ARNT2: variants seen among roughly 807,000 people sequenced by gnomAD.
The protein encoded by ARNT2 is aryl hydrocarbon receptor nuclear translocator 2.
Under a neutral mutation model 91.7 loss-of-function variants are expected in ARNT2, and 36 were observed. That is an observed-to-expected ratio of 0.39 (90% confidence interval 0.30 to 0.52). ARNT2 has a LOEUF of 0.52. Ranked by LOEUF, ARNT2 falls within the 20% of genes least tolerant of loss-of-function variation. The probability of loss-of-function intolerance (pLI) is 0.72; values close to 1 mark genes in which losing one functional copy is unlikely to be tolerated. For missense variants in ARNT2, 775 were observed against 939.3 expected, an observed-to-expected ratio of 0.83 and a Z score of 2.29; for synonymous variants, 365 against 347.1, an observed-to-expected ratio of 1.05 and a Z score of -0.57.
intron 8 of ARNT2, among the ~76,000 whole-genome samples, chr15:80,522,225 A>G (rs1897559245): frequency 6.6e-6 from 1 of 152,172 alleles, no homozygotes; most frequent in Non-Finnish European, 1.5e-5. Flanking sequence ...TTTAATCGTC[A>G]CAACAGCTGC....
At chr15:80,552,898 C>A in intron 10 of ARNT2, 124 bp downstream of exon 10, 1 of 1,253,432 alleles carries the variant, frequency 8.0e-7, no homozygotes, top group Non-Finnish European at 1.1e-6. Context: ...ACCCATATAC[C>A]CTGCCTAGAT....
intron 1 of ARNT2, among the ~76,000 whole-genome samples, chr15:80,429,023 C>T (rs1046915244): frequency 2.6e-5 from 4 of 152,266 alleles, no homozygotes; most frequent in South Asian, 2.1e-4. Flanking sequence ...GAAAATAGCT[C>T]GACTGGTGCA....
chr15:80,559,604 G>C (rs1388038035), intron 11 of ARNT2, among the ~76,000 whole-genome samples: 1 of 152,226 alleles, frequency 6.6e-6, no homozygotes, highest in Non-Finnish European at 1.5e-5. Flanking sequence ...GAACTTGTTT[G>C]TGAGGAATTT....
intron 2 of ARNT2, among the ~76,000 whole-genome samples, chr15:80,457,651 AG>A (rs1896499486): frequency 6.6e-6 from 1 of 152,236 alleles, no homozygotes; most frequent in Admixed American, 6.5e-5. Flanking sequence ...AGTTCTAAGA[AG>A]GGAATGGCAT....
chr15:80,588,379 C>G (rs1893215329), intron 17 of ARNT2, among the ~76,000 whole-genome samples: 1 of 152,034 alleles, frequency 6.6e-6, no homozygotes, highest in South Asian at 2.1e-4. Flanking sequence ...GGCTCCTTCC[C>G]TCTCCTCTTG....
At chr15:80,519,983 C>A (rs1897510184) in intron 8 of ARNT2, among the ~76,000 whole-genome samples, 1 of 150,152 alleles carries the variant, frequency 6.7e-6, no homozygotes, top group Non-Finnish European at 1.5e-5. Context: ...CAGGTGTGAG[C>A]CACCGTGCCT....
intron 8 of ARNT2, among the ~76,000 whole-genome samples, chr15:80,529,463 G>C (rs1174172936): frequency 6.6e-6 from 1 of 151,958 alleles, no homozygotes; most frequent in African/African-American, 2.4e-5. Context: ...AGAGAAGTCT[G>C]AGACCAGCTT....
intron 11 of ARNT2, chr15:80,556,058 G>A (rs1898180429): frequency 6.6e-6 from 1 of 151,792 alleles, no homozygotes; most frequent in African/African-American, 2.4e-5. Flanking sequence ...GGCCAAGGTG[G>A]GCAGATCATG....
intron 3 of ARNT2, among the ~76,000 whole-genome samples, chr15:80,462,829 T>C (rs1175765864): frequency 6.6e-6 from 1 of 152,264 alleles, no homozygotes; most frequent in African/African-American, 2.4e-5. Flanking sequence ...AGTAAAGATA[T>C]TCACGGTAGG....
At chr15:80,537,013 T>C (rs970003156) in intron 8 of ARNT2, among the ~76,000 whole-genome samples, 1 of 152,158 alleles carries the variant, frequency 6.6e-6, no homozygotes, top group African/African-American at 2.4e-5. Context: ...GAGCCATCAT[T>C]ACATGACATT....
rs191062182 is a variant in ARNT2 at position 80,434,313 on chromosome 15, C to G, written c.32-16567C>G. The G allele has an allele frequency of 3.1e-3, 475 of 152,298 alleles. 2 individuals carry two copies. The highest frequency in any genetic ancestry group is 4.8e-3 in the Non-Finnish European group (326 of 68,014). 9.4% of individuals were successfully genotyped at this position (152,298 alleles called of 1,614,324 possible). A position where few individuals can be genotyped will look rare whatever the true frequency, so the allele number is the denominator to read the frequency against. ...CTGAGTCCTGACATTTATGATTTTA[C>G]AAGATTTCCTGAACAGGAAGTGCTC... is the stretch of plus-strand genomic sequence containing the variant. On this transcript the variant is annotated intron_variant, in intron 1 of 18. Transcript: ENST00000303329.
At chr15:80,526,718 TG>T (rs1160884234) in intron 8 of ARNT2, among the ~76,000 whole-genome samples, 4 of 152,308 alleles carry the variant, frequency 2.6e-5, no homozygotes, top group Admixed American at 6.5e-5. Context: ...CAGTAAGCCT[TG>T]GCCACAGCAT....
Position 80,412,232 on chromosome 15 carries a change from C to T in ARNT2, c.31+7686C>T, listed in dbSNP as rs552955434. ...CAAAATGTTTACAAATAGGTACTTCCTGCTTTTGTACATTGTATGAAAACA... is the reference window on the plus strand; with the variant it reads ...CAAAATGTTTACAAATAGGTACTTCTTGCTTTTGTACATTGTATGAAAACA... On this transcript the variant is annotated intron_variant, in intron 1 of 18. Transcript: ENST00000303329. Among the ~76,000 whole-genome samples, 5 of 152,282 alleles carry T rather than the reference C, an allele frequency of 3.3e-5. No individual in the cohort carries two copies. In the East Asian group the frequency reaches 9.6e-4, roughly 29 times the overall value.
chr15:80,582,090 C>G (rs1458094066), intron 17 of ARNT2, among the ~76,000 whole-genome samples: 1 of 152,220 alleles, frequency 6.6e-6, no homozygotes, highest in African/African-American at 2.4e-5. Flanking sequence ...GAGCTTTTCT[C>G]TACAGAATTG....
At chr15:80,517,614 T>C (rs1897460513) in intron 8 of ARNT2, among the ~76,000 whole-genome samples, 1 of 151,902 alleles carries the variant, frequency 6.6e-6, no homozygotes, top group Non-Finnish European at 1.5e-5. Context: ...TGTACCACAA[T>C]TTTTGAGTGT....
intron 8 of ARNT2, among the ~76,000 whole-genome samples, chr15:80,536,210 G>A (rs888334053): frequency 6.6e-6 from 1 of 152,232 alleles, no homozygotes; most frequent in East Asian, 1.9e-4. Context: ...AAGGAGAACA[G>A]TTCTCTCTCC....
At chr15:80,444,901 G>A (rs1303432942) in intron 1 of ARNT2, 1 of 151,294 alleles carries the variant, frequency 6.6e-6, no homozygotes, top group Non-Finnish European at 1.5e-5. Context: ...CAAATGGTGT[G>A]TATGTATGTT....
chr15:80,433,810 A>G (rs1054336251), intron 1 of ARNT2: 1 of 152,154 alleles, frequency 6.6e-6, no homozygotes, highest in Non-Finnish European at 1.5e-5. Context: ...GAAACTGACC[A>G]TTTTTATGCT....
At chr15:80,533,987 G>C in intron 8 of ARNT2, among the ~76,000 whole-genome samples, 1 of 152,214 alleles carries the variant, frequency 6.6e-6, no homozygotes, top group East Asian at 1.9e-4. Context: ...TGGAAATGAA[G>C]CTCTGTCTTC....
Sources: gnomAD v4.1 joint callset for allele counts (sites outside exome capture counted in the v4.1 genomes callset) on GRCh38, gnomAD v4.1.1 for gene constraint, MANE v1.5 for transcripts, NCBI Gene and HGNC (gene_info 2026-07-23, HGNC 2026-07-21) for gene names.